PALM3: variants seen among roughly 807,000 people sequenced by gnomAD.
PALM3 encodes paralemmin-3.
In PALM3, 20 loss-of-function variants were observed where a neutral mutation model predicts 27.9. The observed-to-expected ratio is 0.72, with a 90% CI of 0.50 to 1.04. PALM3 has a LOEUF of 1.04. Among genes scored for constraint, PALM3 ranks in the 50% least tolerant of loss-of-function variants. The pLI is 0.00. For missense variants in PALM3, 814 were observed against 869.4 expected, an observed-to-expected ratio of 0.94 and a Z score of 0.80; for synonymous variants, 328 against 352.7, an observed-to-expected ratio of 0.93 and a Z score of 0.79.
At chr19:14,056,202 C>A (rs1280354523) in intron 5 of PALM3, among the ~76,000 whole-genome samples, 1 of 152,222 alleles carries the variant, frequency 6.6e-6, no homozygotes, top group Non-Finnish European at 1.5e-5. Flanking sequence ...AGCCACCATG[C>A]CTGGCCTATA....
At chr19:14,061,095 G>C (rs1399747983) in intron 1 of PALM3, among the ~76,000 whole-genome samples, 2 of 152,198 alleles carry the variant, frequency 1.3e-5, no homozygotes, top group East Asian at 3.9e-4. Flanking sequence ...CCCAAAGGAA[G>C]CCCAGATTCT....
chr19:14,056,285 A>G, intron 5 of PALM3, 144 bp downstream of exon 5: 2 of 830,592 alleles, frequency 2.4e-6, no homozygotes, highest in Admixed American at 4.5e-5. Flanking sequence ...AAGACCACAG[A>G]GCAAAGTAAA....
Position 14,053,817 on chromosome 19 carries a change from C to T in PALM3, c.1855G>A (p.Asp619Asn), listed in dbSNP as rs75841596. Residue 619 changes from aspartate (D) to asparagine (N), a missense_variant, in exon 7 of 7, where the codon GAT becomes AAT. Coordinates refer to ENST00000669674, the MANE Select transcript of PALM3 (RefSeq NM_001145028.2). ...TAAEGQGPLG[D>N]ATPLLAETPA... The stretch of plus-strand genomic sequence containing the variant: ...GTCTCTGCCAGAAGAGGTGTGGCAT[C>T]CCCCAAGGGGCCTTGGCCCTCAGCA... 52,667 of 1,548,452 alleles carry T rather than the reference C, an allele frequency of 0.034. 1,081 individuals are homozygous for T. Among genetic ancestry groups the T allele is most frequent in the Middle Eastern group, 0.047 (278 of 5,968 alleles).
intron 1 of PALM3, 55 bp downstream of exon 1, chr19:14,061,885 A>C: frequency 3.1e-6 from 3 of 954,076 alleles, no homozygotes; most frequent in Non-Finnish European, 3.7e-6. Context: ...AGCATCCCCC[A>C]TGAGCCCCTC....
chr19:14,059,064 G>C (rs1976370774), intron 2 of PALM3, 51 bp downstream of exon 2: 1 of 1,436,336 alleles, frequency 7.0e-7, no homozygotes, highest in Non-Finnish European at 9.2e-7. Flanking sequence ...CGAGAAGGGA[G>C]CATGGTGGAA....
In PALM3 at chr19:14,053,958, C is replaced by T; in HGVS notation, c.1714G>A (p.Glu572Lys). Residue 572 changes from glutamate (E) to lysine (K), a missense_variant, in exon 7 of 7, where the codon GAG (glutamate) becomes AAG (lysine). By Grantham distance (56) the Glu-to-Lys change is moderately conservative. Coordinates refer to ENST00000669674, the MANE Select transcript of PALM3 (RefSeq NM_001145028.2). ...TTAGCCTCAAGGGGAGGCCCTGCCT[C>T]ATTCATCTCCTCTGCCTGGGATTCA... Reference protein sequence around the residue: ...GSESQAEEMNEAGPPLEANTE... With the variant: ...GSESQAEEMNKAGPPLEANTE... 1.3e-6 allele frequency: 2 copies of T among 1,551,682 alleles called. No individual in the cohort carries two copies. Among genetic ancestry groups the T allele is most frequent in the Non-Finnish European group, 1.7e-6 (2 of 1,146,944 alleles).
Position 14,054,882 on chromosome 19 carries a change from G to A in PALM3, c.790C>T (p.Leu264=). Residue 264 remains leucine, a synonymous_variant, in exon 7 of 7, where the codon CTG becomes TTG. Transcript: ENST00000669674. ...CCCTTCCTGTCTCCGATGGCTTCCAGCACCACTTCCTCCACCTTAGCCTCC... is the reference window on the plus strand; with the variant it reads ...CCCTTCCTGTCTCCGATGGCTTCCAACACCACTTCCTCCACCTTAGCCTCC... ...ELEAKVEEVV[L]EAIGDRKGAG... is the part of the protein sequence containing the mutation. 2 of 1,549,182 alleles carry A rather than the reference G, an allele frequency of 1.3e-6. No individual in the cohort carries two copies. The highest frequency in any genetic ancestry group is 1.7e-6 in the Non-Finnish European group (2 of 1,146,832).
chr19:14,058,509 G>A (rs537995983), intron 2 of PALM3, among the ~76,000 whole-genome samples: 1 of 152,018 alleles, frequency 6.6e-6, no homozygotes, highest in East Asian at 1.9e-4. Context: ...TAGTGAGATG[G>A]GAGTGCAGCC....
Position 14,061,974 on chromosome 19 carries a change from G to A in PALM3, c.7C>T (p.Leu3=). The A allele has an allele frequency of 1.0e-6, 1 of 985,346 alleles. No homozygotes were observed. The highest frequency in any genetic ancestry group is 1.2e-6 in the Non-Finnish European group (1 of 829,894). The allele number at this position is 985,346 out of a possible 1,614,324, so 61.0% of individuals were successfully genotyped here. A position where few individuals can be genotyped will look rare whatever the true frequency, so the allele number is the denominator to read the frequency against. The part of the protein sequence containing the change: MA[L]QSQVWSLATP... ...GCCAGAGACCACACCTGGCTCTGCA[G>A]GGCCATCTCTGCCCAGAAGTTCACT... is the stretch of plus-strand genomic sequence containing the variant. The change falls in exon 1 of 7, where the codon CTG becomes TTG. Residue 3 remains leucine (L), a synonymous_variant. Coordinates refer to ENST00000669674, the MANE Select transcript of PALM3 (RefSeq NM_001145028.2).
chr19:14,059,283 T>C, intron 1 of PALM3, 120 bp from the exon 2 acceptor site: 1 of 977,134 alleles, frequency 1.0e-6, no homozygotes, highest in South Asian at 2.2e-5. Context: ...GTTTCCCCTT[T>C]GCACCTGGGA....
In PALM3 at chr19:14,062,057, G is replaced by A; in HGVS notation, c.-77C>T. ...CTTGCCTGAAGGTGCCCCGGAGGCT[G>A]TGACTTGGCTGCCTGGAGTGGGGGG... On this transcript the variant is annotated 5_prime_UTR_variant, in exon 1 of 7. Transcript: ENST00000669674. The A allele has an allele frequency of 1.1e-6, 1 of 936,184 alleles. No individual in the cohort carries two copies. The highest frequency in any genetic ancestry group is 1.3e-6 in the Non-Finnish European group (1 of 784,798). 58.0% of individuals were successfully genotyped at this position (936,184 alleles called of 1,614,324 possible).
Position 14,056,515 on chromosome 19 carries a change from TGAA to T in PALM3, c.315-5_315-3del. 2 of 1,551,114 alleles carry T rather than the reference TGAA, an allele frequency of 1.3e-6. No individual in the cohort carries two copies. Among genetic ancestry groups the T allele is most frequent in the Non-Finnish European group, 1.7e-6 (2 of 1,146,608 alleles). The stretch of plus-strand genomic sequence containing the variant: ...AACAGTTGCAGCTGGGACTGGAGTC[TGAA>T]GAAGAGAGAGGGCTGCTAGGAGCTG... On this transcript the variant is annotated splice_region_variant and splice_polypyrimidine_tract_variant and intron_variant, in intron 4 of 6. Transcript: ENST00000669674.
chr19:14,057,250 C>A (rs1384877453), intron 3 of PALM3, 101 bp downstream of exon 3: 13 of 847,440 alleles, frequency 1.5e-5, no homozygotes, highest in South Asian at 7.3e-5. Context: ...CGCTCCCCCC[C>A]AAAAATTGGA....
intron 1 of PALM3, among the ~76,000 whole-genome samples, chr19:14,060,446 G>C (rs1167788212): frequency 6.6e-6 from 1 of 151,938 alleles, no homozygotes; most frequent in Non-Finnish European, 1.5e-5. Context: ...TTCCAGCTAA[G>C]AACAAAATCA....
chr19:14,054,182 A>T lies in PALM3; in HGVS notation c.1490T>A (p.Val497Glu). Residue 497 changes from valine to glutamate, a missense_variant, in exon 7 of 7, where the codon GTA becomes GAA. Coordinates refer to ENST00000669674, the MANE Select transcript of PALM3 (RefSeq NM_001145028.2). ...EEKRGAEEEE[V>E]EEPLGVEKKG... ...CTTCTCTACTCCCAATGGTTCTTCTACCTCCTCCTCCTCTGCCCCTCGCTT... is the reference window on the plus strand; with the variant it reads ...CTTCTCTACTCCCAATGGTTCTTCTTCCTCCTCCTCCTCTGCCCCTCGCTT... 6.5e-7 allele frequency: 1 copy of T among 1,545,986 alleles called. No homozygotes were observed. The highest frequency in any genetic ancestry group is 8.7e-7 in the Non-Finnish European group (1 of 1,145,404).
chr19:14,056,691 T>G lies in PALM3; in HGVS notation c.285A>C (p.Arg95=). 6.4e-7 allele frequency: 1 copy of G among 1,551,726 alleles called. No homozygotes were observed. Among genetic ancestry groups the G allele is most frequent in the Non-Finnish European group, 8.7e-7 (1 of 1,146,994 alleles). Residue 95 remains arginine, a synonymous_variant, in exon 4 of 7, where the codon CGA becomes CGC. Transcript: ENST00000669674. ...PQSPEGQAQA[R]IRNLEDSLFT... ...ACAAACTGTCTTCCAGGTTCCGGAT[T>G]CGGGCCTGAGCCTGGCCCTCGGGTG...
chr19:14,057,170 C>T (rs1976319722), intron 3 of PALM3, among the ~76,000 whole-genome samples, 181 bp downstream of exon 3: 1 of 152,124 alleles, frequency 6.6e-6, no homozygotes, highest in South Asian at 2.1e-4. Flanking sequence ...GACCACCCCA[C>T]TTCGTCCCTC....
At position 14,053,920 on chromosome 19, in the gene PALM3, C is replaced by A. The variant is rs1976238197; in HGVS notation, c.1752G>T (p.Arg584Ser). 1 of 1,551,558 alleles carries A rather than the reference C, an allele frequency of 6.4e-7. No individual in the cohort carries two copies. The change falls in exon 7 of 7, where the codon AGG becomes AGT. Residue 584 changes from arginine (R) to serine (S), a missense_variant. Arg to Ser is a moderately radical substitution (Grantham distance 110, BLOSUM62 -1). Coordinates refer to ENST00000669674, the MANE Select transcript of PALM3 (RefSeq NM_001145028.2). Reference sequence around the variant, plus strand: ...GGGGCTGGGGTCCTTCCTTCTCTGGCCTTGTCTCCGTGTTAGCCTCAAGGG... The same window carrying A: ...GGGGCTGGGGTCCTTCCTTCTCTGGACTTGTCTCCGTGTTAGCCTCAAGGG... ...GPPLEANTET[R>S]PEKEGPQPQE...
At position 14,054,958 on chromosome 19, in the gene PALM3, T is replaced by C. The variant is rs1976274167; in HGVS notation, c.714A>G (p.Glu238=). 6.5e-7 allele frequency: 1 copy of C among 1,549,748 alleles called. No homozygotes were observed. Among genetic ancestry groups the C allele is most frequent in the East Asian group, 2.4e-5 (1 of 40,898 alleles). The part of the protein sequence containing the change: ...KGGGVVSVVW[E]GLRATEDCAT... ...CACAGTCCTCTGTGGCCCTCAGCCCTTCCCACACCACACTCACCACGCCCC... is the reference window on the plus strand; with the variant it reads ...CACAGTCCTCTGTGGCCCTCAGCCCCTCCCACACCACACTCACCACGCCCC... The change falls in exon 7 of 7, where the codon GAA becomes GAG. Residue 238 remains glutamate, a synonymous_variant. Transcript: ENST00000669674.
Sources: allele counts gnomAD v4.1 joint callset (sites outside exome capture counted in the v4.1 genomes callset), GRCh38; gene constraint gnomAD v4.1.1; transcripts MANE v1.5; gene names NCBI Gene and HGNC (gene_info 2026-07-23, HGNC 2026-07-21).